The following NECTIN4 variants were observed in gnomAD, a reference collection of about 807,000 sequenced individuals.
NECTIN4 encodes nectin cell adhesion molecule 4.
NECTIN4 carries 19 observed loss-of-function variants against 51.7 expected under a neutral mutation model. The observed-to-expected ratio is 0.37, with a 90% CI of 0.26 to 0.54. The LOEUF (loss-of-function observed/expected upper bound fraction) is 0.54. Ranked by LOEUF, NECTIN4 falls within the 20% of genes least tolerant of loss-of-function variation. NECTIN4 has a pLI of 0.86. For missense variants in NECTIN4, 619 were observed against 662.4 expected (o/e 0.93, Z 0.72); for synonymous variants, 283 against 286.9 (o/e 0.99, Z 0.14).
At chr1:161,086,330 C>T (rs1468854437) in intron 1 of NECTIN4, among the ~76,000 whole-genome samples, 1 of 152,200 alleles carries the variant, frequency 6.6e-6, no homozygotes, top group Non-Finnish European at 1.5e-5. Context: ...CACAGGGCTT[C>T]CCTGGGATTC....
chr1:161,072,703 C>A lies in NECTIN4; in HGVS notation c.1491G>T (p.Thr497=), dbSNP rs141389274. 6.2e-7 allele frequency: 1 copy of A among 1,614,198 alleles called. No individual in the cohort carries two copies. The highest frequency in any genetic ancestry group is 8.5e-7 in the Non-Finnish European group (1 of 1,180,040). The change falls in exon 9 of 9, where the codon ACG becomes ACT. Residue 497 remains threonine, a synonymous_variant. Transcript: ENST00000368012. ...GCCCATTGATGTAGATGCCATTGCC[C>A]GTGGGCTTGGCCCGTAGGGTCCCAT... ...QENGTLRAKP[T]GNGIYINGRG...
At chr1:161,083,561 G>A (rs1039233099) in intron 1 of NECTIN4, among the ~76,000 whole-genome samples, 5 of 152,190 alleles carry the variant, frequency 3.3e-5, no homozygotes, top group South Asian at 2.1e-4. Flanking sequence ...GGTGGACTCC[G>A]GCTGGTTAGA....
At position 161,074,377 on chromosome 1, in the gene NECTIN4, C is replaced by T. The variant is rs374654781; in HGVS notation, c.1001-4G>A. The T allele has an allele frequency of 1.1e-5, 17 of 1,613,852 alleles. No individual in the cohort carries two copies. The highest frequency in any genetic ancestry group is 2.7e-5 in the African/African-American group (2 of 74,856). The stretch of plus-strand genomic sequence containing the variant: ...TTCCCAGAGTCTTCCTGGGGGTCTG[C>T]TGGAGACAGGCCACTGTCTGAGGTG... On this transcript the variant is annotated splice_region_variant and splice_polypyrimidine_tract_variant and intron_variant, in intron 5 of 8. Coordinates refer to ENST00000368012, the MANE Select transcript of NECTIN4 (RefSeq NM_030916.3).
At chr1:161,077,793 G>A (rs1224316251) in intron 2 of NECTIN4, 50 bp from the exon 3 acceptor site, 2 of 1,543,380 alleles carry the variant, frequency 1.3e-6, no homozygotes, top group Non-Finnish European at 1.8e-6. Context: ...TCCCTGTCAG[G>A]AGGCCCCCAC....
At chr1:161,079,550 T>A in intron 2 of NECTIN4, 40 bp downstream of exon 2, 2 of 1,599,114 alleles carry the variant, frequency 1.3e-6, no homozygotes, top group Non-Finnish European at 1.7e-6. Context: ...TCCCCCTGCA[T>A]CCACAGCGGC....
rs1653317620 is a variant in NECTIN4 at position 161,074,368 on chromosome 1, G to T, written c.1006C>A (p.Gln336Lys). The change falls in exon 6 of 9, where the codon CAG becomes AAG. Residue 336 changes from glutamine (Q) to lysine (K), a missense_variant. Gln to Lys is a moderately conservative substitution (Grantham distance 53). This residue lies in a region of NECTIN4 where 364 missense variants were observed against 415.7 expected (regional missense o/e 0.88). Coordinates refer to ENST00000368012, the MANE Select transcript of NECTIN4 (RefSeq NM_030916.3). Reference sequence around the variant, plus strand: ...TCCACCTGCTTCCCAGAGTCTTCCTGGGGGTCTGCTGGAGACAGGCCACTG... The same window carrying T: ...TCCACCTGCTTCCCAGAGTCTTCCTTGGGGTCTGCTGGAGACAGGCCACTG... ...SQVTVDVLDP[Q>K]EDSGKQVDLV... The T allele has an allele frequency of 6.2e-7, 1 of 1,613,850 alleles. No individual in the cohort carries two copies. The highest frequency in any genetic ancestry group is 8.5e-7 in the Non-Finnish European group (1 of 1,179,952).
intron 1 of NECTIN4, among the ~76,000 whole-genome samples, chr1:161,083,428 A>G (rs564699751): frequency 2.0e-5 from 3 of 152,300 alleles, no homozygotes; most frequent in Admixed American, 1.3e-4. Flanking sequence ...TGGCGTCAGC[A>G]TGATGATGTC....
At chr1:161,086,394 C>T (rs973514295) in intron 1 of NECTIN4, among the ~76,000 whole-genome samples, 1 of 152,096 alleles carries the variant, frequency 6.6e-6, no homozygotes, top group Non-Finnish European at 1.5e-5. Flanking sequence ...GTAGGTCCTA[C>T]AGGAAAGGGC....
rs145209303 is a variant in NECTIN4, at chr1:161,072,873, C to T, written c.1321G>A (p.Glu441Lys). ...GTCAGCGTGGAGTAACTGCGGCCCT[C>T]GGGCTCTTCACTCTGGAGACCAAGG... is the stretch of plus-strand genomic sequence containing the variant. ...SSCSVMSEEPEGRSYSTLTTV... is the reference protein window; with the variant it reads ...SSCSVMSEEPKGRSYSTLTTV... Residue 441 changes from glutamate (E) to lysine (K), a missense_variant, in exon 9 of 9, where the codon GAG becomes AAG. Coordinates refer to ENST00000368012, the MANE Select transcript of NECTIN4 (RefSeq NM_030916.3). 8.1e-6 allele frequency: 13 copies of T among 1,612,906 alleles called. No homozygotes were observed. The highest frequency in any genetic ancestry group is 1.3e-5 in the African/African-American group (1 of 75,004).
intron 4 of NECTIN4, 84 bp downstream of exon 4, chr1:161,076,271 T>A: frequency 2.7e-6 from 4 of 1,498,988 alleles, no homozygotes; most frequent in Non-Finnish European, 3.7e-6. Flanking sequence ...GAATATGTTG[T>A]CCCATTCCAT....
intron 7 of NECTIN4, 146 bp downstream of exon 7, chr1:161,073,574 C>T: frequency 1.2e-6 from 1 of 839,172 alleles, no homozygotes; most frequent in Non-Finnish European, 2.0e-6. Context: ...GCTACACCCT[C>T]TCAACTCTAC....
At chr1:161,082,251 C>G (rs1477226585) in intron 1 of NECTIN4, among the ~76,000 whole-genome samples, 1 of 152,026 alleles carries the variant, frequency 6.6e-6, no homozygotes, top group East Asian at 1.9e-4. Context: ...ACTGGTGAAC[C>G]CAGGAGGTGG....
chr1:161,088,679 C>T (rs1654054815), intron 1 of NECTIN4, among the ~76,000 whole-genome samples: 1 of 152,130 alleles, frequency 6.6e-6, no homozygotes, highest in Non-Finnish European at 1.5e-5. Context: ...CCAACAGGTG[C>T]CCCAGTCCTG....
At chr1:161,081,362 G>A (rs1314223086) in intron 1 of NECTIN4, among the ~76,000 whole-genome samples, 1 of 151,732 alleles carries the variant, frequency 6.6e-6, no homozygotes, top group Admixed American at 6.6e-5. Context: ...TGGAGAGGAG[G>A]GGACAGTTCT....
In NECTIN4 at chr1:161,072,905, G is replaced by C; in HGVS notation, c.1309-20C>G. The C allele has an allele frequency of 6.3e-7, 1 of 1,599,016 alleles. No individual in the cohort carries two copies. Among genetic ancestry groups the C allele is most frequent in the East Asian group, 2.3e-5 (1 of 43,946 alleles). On this transcript the variant is annotated intron_variant, in intron 8 of 8. Transcript: ENST00000368012. ...TTCACTCTGGAGACCAAGGGCAAAG[G>C]GCAAGTCAGGAACAAAGGCAGGGCA... is the stretch of plus-strand genomic sequence containing the variant.
intron 1 of NECTIN4, among the ~76,000 whole-genome samples, chr1:161,080,962 G>A (rs1653655112): frequency 6.6e-6 from 1 of 152,200 alleles, no homozygotes; most frequent in Non-Finnish European, 1.5e-5. Context: ...ACTGTGGGAT[G>A]GGGCAATCAC....
rs777477602 is a variant in NECTIN4, at chr1:161,089,307, C to A, written c.-11G>T. 6.2e-7 allele frequency: 1 copy of A among 1,607,086 alleles called. No homozygotes were observed. Among genetic ancestry groups the A allele is most frequent in the Non-Finnish European group, 8.5e-7 (1 of 1,179,356 alleles). ...CAGGGACAGGGGCATGGTTGAAAGG[C>A]AGACTGCCCAGCGTTTCTGAAGTTC... On this transcript the variant is annotated 5_prime_UTR_variant, in exon 1 of 9. Transcript: ENST00000368012. This position sits in a 1 kb window ranked among gnomAD's most constrained non-coding sequence, Gnocchi z 4.1.
At chr1:161,079,375 C>T (rs1302285102) in intron 2 of NECTIN4, among the ~76,000 whole-genome samples, 3 of 152,228 alleles carry the variant, frequency 2.0e-5, no homozygotes, top group African/African-American at 7.2e-5. Flanking sequence ...GGAAGAACTT[C>T]CTAATAAATG....
rs1654099009 is a variant in NECTIN4 at position 161,089,424 on chromosome 1, G to A, written c.-128C>T. On this transcript the variant is annotated 5_prime_UTR_variant, in exon 1 of 9. Transcript: ENST00000368012. This position sits in a 1 kb window ranked among gnomAD's most constrained non-coding sequence, Gnocchi z 4.1. Reference sequence around the variant, plus strand: ...GCAGAGTTCTTGCCTCTCGCACTTGGGTCTCCACTAGGGGACCCAGCCCCA... The same window carrying A: ...GCAGAGTTCTTGCCTCTCGCACTTGAGTCTCCACTAGGGGACCCAGCCCCA... 1 of 842,944 alleles carries A rather than the reference G, an allele frequency of 1.2e-6. No homozygotes were observed. The highest frequency in any genetic ancestry group is 1.9e-6 in the Non-Finnish European group (1 of 513,848). 52.2% of individuals were successfully genotyped at this position (842,944 alleles called of 1,614,324 possible). A position where few individuals can be genotyped will look rare whatever the true frequency, so the allele number is the denominator to read the frequency against.
Sources: allele counts gnomAD v4.1 joint callset (sites outside exome capture counted in the v4.1 genomes callset), GRCh38; gene constraint gnomAD v4.1.1; regional missense constraint gnomAD v4.1.1; non-coding constraint Gnocchi (gnomAD v3.1); transcripts MANE v1.5; gene names NCBI Gene and HGNC (gene_info 2026-07-23, HGNC 2026-07-21).